GSTP1: variants seen among roughly 807,000 people sequenced by gnomAD.
GSTP1 encodes the protein glutathione S-transferase P.
Under a neutral mutation model 29.4 loss-of-function variants are expected in GSTP1, and 28 were observed. That is an observed-to-expected ratio of 0.95 (90% confidence interval 0.71 to 1.30). GSTP1 has a LOEUF of 1.30. Ranked by LOEUF, GSTP1 falls within the 50% of genes most tolerant of loss-of-function variation. The pLI is 0.00. For synonymous variants in GSTP1, 122 were observed against 117.0 expected (o/e 1.04, Z -0.28); for missense variants, 267 against 266.1 (o/e 1.00, Z -0.02).
At position 67,584,549 on chromosome 11, in the gene GSTP1, G is replaced by A; in HGVS notation, c.123G>A (p.Glu41=). Reference sequence around the variant, plus strand: ...TGGTGACCGTGGAGACGTGGCAGGAGGGCTCACTCAAAGCCTCCTGCGTAA... The same window carrying A: ...TGGTGACCGTGGAGACGTGGCAGGAAGGCTCACTCAAAGCCTCCTGCGTAA... ...EEVVTVETWQ[E]GSLKASCLYG... is the part of the protein sequence containing the mutation. The change falls in exon 3 of 7, where the codon GAG becomes GAA. Residue 41 remains glutamate, a synonymous_variant. Coordinates refer to ENST00000398606, the MANE Select transcript of GSTP1 (RefSeq NM_000852.4). 6.2e-7 allele frequency: 1 copy of A among 1,602,428 alleles called. No individual in the cohort carries two copies. Among genetic ancestry groups the A allele is most frequent in the Middle Eastern group, 1.7e-4 (1 of 5,998 alleles).
In GSTP1 at chr11:67,585,287, A is replaced by G. The variant is rs1279620330; in HGVS notation, c.336+46A>G. On this transcript the variant is annotated intron_variant, in intron 5 of 6. Transcript: ENST00000398606. ...TGGGCACTGGGGGCTGAACAAAGAAAGGGGCTTCTTGTGCCCTCACCCCCC... is the reference window on the plus strand; with the variant it reads ...TGGGCACTGGGGGCTGAACAAAGAAGGGGGCTTCTTGTGCCCTCACCCCCC... The G allele has an allele frequency of 5.3e-6, 7 of 1,323,946 alleles. No homozygotes were observed. The Admixed American group carries it at 1.0e-4, about 19-fold the overall frequency. 82.0% of individuals were successfully genotyped at this position (1,323,946 alleles called of 1,614,324 possible).
At chr11:67,584,332 GC>G (rs1867428512) in intron 2 of GSTP1, 131 bp from the exon 3 acceptor site, 2 of 715,280 alleles carry the variant, frequency 2.8e-6, no homozygotes, top group Non-Finnish European at 2.4e-6. Context: ...CCTGCTCCCC[GC>G]CCCAGTGTTG....
intron 1 of GSTP1, 128 bp downstream of exon 1, chr11:67,583,972 AG>A: frequency 3.1e-6 from 2 of 650,798 alleles, no homozygotes; most frequent in Non-Finnish European, 5.6e-6. Context: ...ACGGGGGCCT[AG>A]GGGACCCAGG....
At chr11:67,584,046 C>T (rs1867422480) in intron 1 of GSTP1, 88 bp from the exon 2 acceptor site, 1 of 1,054,270 alleles carries the variant, frequency 9.5e-7, no homozygotes, top group South Asian at 1.4e-5. Context: ...GGATGGGACC[C>T]CGGGGGCGGG....
In GSTP1 at chr11:67,585,221, T is replaced by C. The variant is rs2134394398; in HGVS notation, c.316T>C (p.Ser106Pro). 6.3e-7 allele frequency: 1 copy of C among 1,589,520 alleles called. No individual in the cohort carries two copies. The highest frequency in any genetic ancestry group is 8.6e-7 in the Non-Finnish European group (1 of 1,164,768). Reference sequence around the variant, plus strand: ...GGAGGACCTCCGCTGCAAATACATCTCCCTCATCTACACCAACTATGTGAG... The same window carrying C: ...GGAGGACCTCCGCTGCAAATACATCCCCCTCATCTACACCAACTATGTGAG... ...GVEDLRCKYI[S>P]LIYTNYEAGK... Residue 106 changes from serine to proline, a missense_variant, in exon 5 of 7, where the codon TCC (serine) becomes CCC (proline). Ser to Pro is a moderately conservative substitution (Grantham distance 74, BLOSUM62 -1). Coordinates refer to ENST00000398606, the MANE Select transcript of GSTP1 (RefSeq NM_000852.4).
In GSTP1 at chr11:67,586,574, G is replaced by C; in HGVS notation, c.630G>C (p.Gln210His). Reference sequence around the variant, plus strand: ...TCCCCATCAATGGCAACGGGAAACAGTGAGGGTTGGGGGGACTCTGAGCGG... The same window carrying C: ...TCCCCATCAATGGCAACGGGAAACACTGAGGGTTGGGGGGACTCTGAGCGG... The part of the protein sequence containing the change: ...VNLPINGNGK[Q>H] Residue 210 changes from glutamine to histidine, a missense_variant, in exon 7 of 7, where the codon CAG (glutamine) becomes CAC (histidine). Physicochemically the swap from Gln to His is conservative, Grantham distance 24 (BLOSUM62 0). Coordinates refer to ENST00000398606, the MANE Select transcript of GSTP1 (RefSeq NM_000852.4). 1 of 1,611,976 alleles carries C rather than the reference G, an allele frequency of 6.2e-7. No individual in the cohort carries two copies. Among genetic ancestry groups the C allele is most frequent in the Non-Finnish European group, 8.5e-7 (1 of 1,178,610 alleles).
In GSTP1 at chr11:67,584,129, T is replaced by C. The variant is rs756699982; in HGVS notation, c.2-5T>C. On this transcript the variant is annotated splice_polypyrimidine_tract_variant and splice_region_variant and intron_variant, in intron 1 of 6. Transcript: ENST00000398606. ...CTCCAGCAAACTTTTCTTTGTTCGCTGCAGTGCCGCCCTACACCGTGGTCT... is the reference window on the plus strand; with the variant it reads ...CTCCAGCAAACTTTTCTTTGTTCGCCGCAGTGCCGCCCTACACCGTGGTCT... 3.1e-5 allele frequency: 50 copies of C among 1,611,976 alleles called. No individual in the cohort carries two copies. Among genetic ancestry groups the C allele is most frequent in the Non-Finnish European group, 4.2e-5 (49 of 1,178,214 alleles).
chr11:67,586,143 C>G lies in GSTP1; in HGVS notation c.376C>G (p.Gln126Glu), dbSNP rs1867463437. 1.2e-6 allele frequency: 2 copies of G among 1,613,802 alleles called. No individual in the cohort carries two copies. The highest frequency in any genetic ancestry group is 2.7e-5 in the African/African-American group (2 of 74,868). The change falls in exon 6 of 7, where the codon CAA (glutamine) becomes GAA (glutamate). Residue 126 changes from glutamine (Q) to glutamate (E), a missense_variant. Gln to Glu is a conservative substitution (Grantham distance 29). Transcript: ENST00000398606. ...TGACTATGTGAAGGCACTGCCCGGG[C>G]AACTGAAGCCTTTTGAGACCCTGCT... ...KDDYVKALPG[Q>E]LKPFETLLSQ...
In GSTP1 at chr11:67,586,397, C is replaced by A; in HGVS notation, c.453C>A (p.Phe151Leu). The A allele has an allele frequency of 6.2e-7, 1 of 1,613,076 alleles. No individual in the cohort carries two copies. Among genetic ancestry groups the A allele is most frequent in the Non-Finnish European group, 8.5e-7 (1 of 1,179,428 alleles). Residue 151 changes from phenylalanine to leucine, a missense_variant, in exon 7 of 7, where the codon TTC becomes TTA. By Grantham distance (22) the Phe-to-Leu change is conservative. Coordinates refer to ENST00000398606, the MANE Select transcript of GSTP1 (RefSeq NM_000852.4). The stretch of plus-strand genomic sequence containing the variant: ...GCCCCCCTGCCCTGCAGATCTCCTT[C>A]GCTGACTACAACCTGCTGGACTTGC... ...KTFIVGDQIS[F>L]ADYNLLDLLL...
At position 67,586,462 on chromosome 11, in the gene GSTP1, C is replaced by T. The variant is rs1025117296; in HGVS notation, c.518C>T (p.Ala173Val). 5.6e-6 allele frequency: 9 copies of T among 1,614,152 alleles called. No individual in the cohort carries two copies. Among genetic ancestry groups the T allele is most frequent in the South Asian group, 3.3e-5 (3 of 91,076 alleles). Residue 173 changes from alanine (A) to valine (V), a missense_variant, in exon 7 of 7, where the codon GCG becomes GTG. Coordinates refer to ENST00000398606, the MANE Select transcript of GSTP1 (RefSeq NM_000852.4). Reference protein sequence around the residue: ...HEVLAPGCLDAFPLLSAYVGR... With the variant: ...HEVLAPGCLDVFPLLSAYVGR... The stretch of plus-strand genomic sequence containing the variant: ...GTCCTAGCCCCTGGCTGCCTGGATG[C>T]GTTCCCCCTGCTCTCAGCATATGTG...
chr11:67,586,253 T>G (rs201310457), intron 6 of GSTP1, 42 bp downstream of exon 6: 19 of 1,542,216 alleles, frequency 1.2e-5, no homozygotes, highest in Middle Eastern at 1.7e-4. Context: ...CGCCACCCTC[T>G]GCTTCCAGAT....
rs8191451 is a variant in GSTP1 at position 67,586,347 on chromosome 11, C to G, written c.445-42C>G. 2.5e-4 allele frequency: 393 copies of G among 1,588,086 alleles called. 1 individual carries two copies. The African/African-American group carries it at 4.8e-3, about 19-fold the overall frequency. ...GGCCCTCTGCCCCCAATTCCTCCAG[C>G]CTGCTCCCGCTGGCTGAGTCCCTGG... On this transcript the variant is annotated intron_variant, in intron 6 of 6. Coordinates refer to ENST00000398606, the MANE Select transcript of GSTP1 (RefSeq NM_000852.4).
In GSTP1 at chr11:67,584,712, G is replaced by A. The variant is rs45543438; in HGVS notation, c.172G>A (p.Asp58Asn). 7.9e-4 allele frequency: 1,273 copies of A among 1,613,668 alleles called. 3 individuals are homozygous for A. Among genetic ancestry groups the A allele is most frequent in the Non-Finnish European group, 1.0e-3 (1,236 of 1,179,946 alleles). Residue 58 changes from aspartate to asparagine, a missense_variant, in exon 4 of 7, where the codon GAC (aspartate) becomes AAC (asparagine). By Grantham distance (23) the Asp-to-Asn change is conservative. Transcript: ENST00000398606. ...ATACGGGCAGCTCCCCAAGTTCCAG[G>A]ACGGAGACCTCACCCTGTACCAGTC... ...CLYGQLPKFQ[D>N]GDLTLYQSNT...
Position 67,584,166 on chromosome 11 carries a change from C to T in GSTP1, c.34C>T (p.Arg12Ter), listed in dbSNP as rs372703452. ...PPYTVVYFPV[R>*]GRCAALRMLL... The stretch of plus-strand genomic sequence containing the variant: ...CTACACCGTGGTCTATTTCCCAGTT[C>T]GAGGTAGGAGCATGTGTCTGGCAGG... Residue 12 changes from arginine to a stop codon, truncating the protein, a stop_gained, in exon 2 of 7, where the codon CGA becomes TGA. Coordinates refer to ENST00000398606, the MANE Select transcript of GSTP1 (RefSeq NM_000852.4). LOFTEE classifies it high-confidence loss of function. 1.9e-6 allele frequency: 3 copies of T among 1,612,092 alleles called. No homozygotes were observed. Among genetic ancestry groups the T allele is most frequent in the Non-Finnish European group, 2.5e-6 (3 of 1,178,258 alleles).
chr11:67,584,647 G>A (rs756060551), intron 3 of GSTP1, 38 bp from the exon 4 acceptor site: 3 of 1,586,010 alleles, frequency 1.9e-6, no homozygotes, highest in East Asian at 2.2e-5. Context: ...GGACGCCCAA[G>A]CTCAGTGCCC....
At chr11:67,584,418 C>A in intron 2 of GSTP1, 46 bp from the exon 3 acceptor site, 2 of 1,080,016 alleles carry the variant, frequency 1.9e-6, no homozygotes, top group Non-Finnish European at 1.3e-6. Flanking sequence ...TGCTGCGAGG[C>A]GGAGTCGGCC....
rs369775780 is a variant in GSTP1, at chr11:67,586,090, G to A, written c.337-14G>A. The A allele has an allele frequency of 1.6e-5, 26 of 1,595,996 alleles. No homozygotes were observed. The highest frequency in any genetic ancestry group is 2.1e-5 in the Non-Finnish European group (25 of 1,163,844). On this transcript the variant is annotated splice_polypyrimidine_tract_variant and intron_variant, in intron 5 of 6. Transcript: ENST00000398606. ...AGGGATGAGAGTAGGATGATACATG[G>A]TGGTGTCTGGCAGGAGGCGGGCAAG...
In GSTP1 at chr11:67,585,465, C is replaced by T. The variant is rs999741853; in HGVS notation, c.336+224C>T. ...CCAGCCAAGTAACGGGTCATGGGGGCGAGTGCAAGGACAGAGACCTCCAGC... is the reference window on the plus strand; with the variant it reads ...CCAGCCAAGTAACGGGTCATGGGGGTGAGTGCAAGGACAGAGACCTCCAGC... On this transcript the variant is annotated intron_variant, in intron 5 of 6. Coordinates refer to ENST00000398606, the MANE Select transcript of GSTP1 (RefSeq NM_000852.4). 5.3e-5 allele frequency among the ~76,000 whole-genome samples: 8 copies of T among 152,116 alleles called. No individual in the cohort carries two copies. Among genetic ancestry groups the T allele is most frequent in the African/African-American group, 1.4e-4 (6 of 41,418 alleles).
rs187789751 is a variant in GSTP1, at chr11:67,584,266, C to T, written c.37+97C>T. 25 of 990,512 alleles carry T rather than the reference C, an allele frequency of 2.5e-5. No individual in the cohort carries two copies. The East Asian group carries it at 6.2e-4, about 24-fold the overall frequency. 61.4% of individuals were successfully genotyped at this position (990,512 alleles called of 1,614,324 possible). On this transcript the variant is annotated intron_variant, in intron 2 of 6. Coordinates refer to ENST00000398606, the MANE Select transcript of GSTP1 (RefSeq NM_000852.4). ...GAGAGATCCGAACCCCCTTATCCCT[C>T]CGTCGTGTGGCTTTTACCCCGGGCC...
Sources: allele counts gnomAD v4.1 joint callset (sites outside exome capture counted in the v4.1 genomes callset), GRCh38; gene constraint gnomAD v4.1.1; transcripts MANE v1.5; gene names NCBI Gene and HGNC (gene_info 2026-07-23, HGNC 2026-07-21).